Variants in STAG1 observed in about 807,000 individuals in gnomAD.
STAG1 encodes the protein STAG1 cohesin complex component.
STAG1 carries 26 observed loss-of-function variants against 170.9 expected under a neutral mutation model. The ratio of observed to expected loss-of-function variants is 0.15; its 90% CI spans 0.11 to 0.21. STAG1 has a LOEUF of 0.21. STAG1 is among the 10% of genes least tolerant of loss of function. The probability of loss-of-function intolerance (pLI) is 1.00; values close to 1 mark genes in which losing one functional copy is unlikely to be tolerated. For synonymous variants in STAG1, 514 were observed against 497.7 expected, an observed-to-expected ratio of 1.03 and a Z score of -0.44; for missense variants, 964 against 1,509.5, an observed-to-expected ratio of 0.64 and a Z score of 5.99.
chr3:136,388,768 C>A (rs933693873), intron 22 of STAG1, among the ~76,000 whole-genome samples: 4 of 152,070 alleles, frequency 2.6e-5, no homozygotes, highest in Non-Finnish European at 5.9e-5. Flanking sequence ...AATGAAAAAC[C>A]TACTGTAGTA....
chr3:136,702,091 G>GAC (rs1281737643), intron 1 of STAG1, among the ~76,000 whole-genome samples: 1 of 96,226 alleles, frequency 1.0e-5, no homozygotes, highest in Non-Finnish European at 2.1e-5. Context: ...GAGAGAGAGA[G>GAC]AGAGAGAGAG....
intron 4 of STAG1, among the ~76,000 whole-genome samples, chr3:136,578,340 A>G (rs1308782213): frequency 2.0e-5 from 3 of 152,196 alleles, no homozygotes; most frequent in Admixed American, 2.0e-4. Context: ...CTTGGGCAGT[A>G]GATAACATTA....
At chr3:136,478,032 C>G (rs1043190083) in intron 9 of STAG1, among the ~76,000 whole-genome samples, 6 of 152,050 alleles carry the variant, frequency 3.9e-5, no homozygotes, top group African/African-American at 7.2e-5. Flanking sequence ...TCAAGTGATC[C>G]ACCCACCTCG....
At chr3:136,655,934 A>G (rs1361101841) in intron 1 of STAG1, among the ~76,000 whole-genome samples, 2 of 152,188 alleles carry the variant, frequency 1.3e-5, no homozygotes, top group Non-Finnish European at 2.9e-5. Flanking sequence ...TATGTAGTCC[A>G]AAGAACTGAA....
intron 5 of STAG1, among the ~76,000 whole-genome samples, chr3:136,543,577 GCTCAATGT>G (rs1936007440): frequency 6.6e-6 from 1 of 152,102 alleles, no homozygotes. Flanking sequence ...TCCTAGAGTG[GCTCAATGT>G]CTTTAGAGTA....
At chr3:136,530,935 T>C (rs903044742) in intron 6 of STAG1, among the ~76,000 whole-genome samples, 1 of 152,030 alleles carries the variant, frequency 6.6e-6, no homozygotes, top group Non-Finnish European at 1.5e-5. Context: ...GTAAACTCCG[T>C]CTCTACTAAA....
chr3:136,476,974 G>A (rs1319937670), intron 10 of STAG1, among the ~76,000 whole-genome samples: 2 of 151,748 alleles, frequency 1.3e-5, no homozygotes, highest in Non-Finnish European at 2.9e-5. Context: ...TATATATTAA[G>A]AAAAAAGAAA....
intron 22 of STAG1, among the ~76,000 whole-genome samples, chr3:136,385,978 G>C (rs907396737): frequency 6.6e-6 from 1 of 152,078 alleles, no homozygotes; most frequent in Non-Finnish European, 1.5e-5. Flanking sequence ...CTGGGCTTAC[G>C]GGCATTAGCC....
intron 5 of STAG1, among the ~76,000 whole-genome samples, chr3:136,561,159 T>C (rs1202838840): frequency 3.3e-5 from 5 of 152,180 alleles, no homozygotes; most frequent in Non-Finnish European, 5.9e-5. Context: ...GCCTTTGTAA[T>C]ACAAAAAAAT....
intron 3 of STAG1, among the ~76,000 whole-genome samples, chr3:136,613,334 A>AAAAAAAAAAAC: frequency 6.6e-6 from 1 of 150,966 alleles, no homozygotes; most frequent in East Asian, 1.9e-4. Flanking sequence ...AAAAAAAAAA[A>AAAAAAAAAAAC]AGAAATCAGA....
chr3:136,461,841 AC>A (rs2089283667), intron 13 of STAG1, among the ~76,000 whole-genome samples: 1 of 152,102 alleles, frequency 6.6e-6, no homozygotes, highest in Admixed American at 6.6e-5. Context: ...TACTCAAACA[AC>A]CCCTTAGCAA....
intron 10 of STAG1, among the ~76,000 whole-genome samples, chr3:136,476,338 C>T (rs1287033821): frequency 6.6e-6 from 1 of 152,142 alleles, no homozygotes; most frequent in African/African-American, 2.4e-5. Flanking sequence ...CCCAGAAGAG[C>T]AGAGAGAACA....
At chr3:136,693,934 G>C (rs904486247) in intron 1 of STAG1, among the ~76,000 whole-genome samples, 1 of 152,056 alleles carries the variant, frequency 6.6e-6, no homozygotes, top group African/African-American at 2.4e-5. Context: ...TCAGGGGTTT[G>C]TACAGTCTCC....
At chr3:136,444,723 A>AT (rs1284117278) in intron 14 of STAG1, among the ~76,000 whole-genome samples, 15 of 152,244 alleles carry the variant, frequency 9.9e-5, no homozygotes, top group Non-Finnish European at 2.2e-4. Context: ...TTTTCTCATC[A>AT]TAAGTAGTGG....
At chr3:136,627,981 T>C (rs1165152199) in intron 2 of STAG1, among the ~76,000 whole-genome samples, 1 of 152,202 alleles carries the variant, frequency 6.6e-6, no homozygotes, top group African/African-American at 2.4e-5. Context: ...TCTAAGTATA[T>C]AGCTTATTAT....
At chr3:136,632,594 A>C (rs1016491498) in intron 1 of STAG1, among the ~76,000 whole-genome samples, 4 of 152,080 alleles carry the variant, frequency 2.6e-5, no homozygotes, top group Admixed American at 1.3e-4. Flanking sequence ...GACAGCATAC[A>C]AGACAAGCAG....
At chr3:136,602,465 T>C (rs1938719944) in intron 4 of STAG1, among the ~76,000 whole-genome samples, 1 of 152,058 alleles carries the variant, frequency 6.6e-6, no homozygotes, top group Non-Finnish European at 1.5e-5. Context: ...ATTTCTGTCA[T>C]TTTTCTGCTT....
chr3:136,669,262 A>T (rs1047721639), intron 1 of STAG1, among the ~76,000 whole-genome samples: 2 of 152,248 alleles, frequency 1.3e-5, no homozygotes, highest in African/African-American at 4.8e-5. Flanking sequence ...CAACACGGAA[A>T]TGTTAACAGT....
At chr3:136,620,422 G>A (rs116433982) in intron 3 of STAG1, among the ~76,000 whole-genome samples, 218 of 152,268 alleles carry the variant, frequency 1.4e-3, no homozygotes, top group African/African-American at 4.9e-3. Context: ...TAACAGCTTG[G>A]CATTCTGGCT....
Sources: allele counts gnomAD v4.1 joint callset (sites outside exome capture counted in the v4.1 genomes callset), GRCh38; gene constraint gnomAD v4.1.1; transcripts MANE v1.5; gene names NCBI Gene and HGNC (gene_info 2026-07-23, HGNC 2026-07-21).